ZNF511: variants seen among roughly 807,000 people sequenced by gnomAD.
The protein encoded by ZNF511 is zinc finger protein 511.
Under a neutral mutation model 24.8 loss-of-function variants are expected in ZNF511, and 26 were observed. The ratio of observed to expected loss-of-function variants is 1.05; its 90% CI spans 0.77 to 1.46. The LOEUF is 1.46. Ranked by LOEUF, ZNF511 falls within the 40% of genes most tolerant of loss-of-function variation. The pLI, the probability that ZNF511 is intolerant of heterozygous loss-of-function variation, is 0.00. For missense variants in ZNF511, 358 were observed against 345.0 expected, an observed-to-expected ratio of 1.04 and a Z score of -0.30; for synonymous variants, 144 against 139.6, an observed-to-expected ratio of 1.03 and a Z score of -0.22.
rs775173794 is a variant in ZNF511, at chr10:133,310,260, C to T, written c.526C>T (p.Arg176Trp). 5.6e-6 allele frequency: 9 copies of T among 1,613,860 alleles called. No homozygotes were observed. Among genetic ancestry groups the T allele is most frequent in the African/African-American group, 2.7e-5 (2 of 74,928 alleles). ...GATGCACCTGTACCCCGCGGACTTCCGGTTTGATAAGCCAAAGAAAAGCAG... is the reference window on the plus strand; with the variant it reads ...GATGCACCTGTACCCCGCGGACTTCTGGTTTGATAAGCCAAAGAAAAGCAG... ...VRMHLYPADF[R>W]FDKPKKSRSP... The change falls in exon 4 of 6, where the codon CGG (arginine) becomes TGG (tryptophan). Residue 176 changes from arginine (R) to tryptophan (W), a missense_variant. Transcript: ENST00000361518.
At chr10:133,310,554 C>A (rs1022586821) in intron 4 of ZNF511, 1 of 490,254 alleles carries the variant, frequency 2.0e-6, no homozygotes, top group East Asian at 3.9e-5. Flanking sequence ...AATGAGCGGG[C>A]GCAGCGCCTC....
At chr10:133,311,609 A>G (rs1476199373) in intron 4 of ZNF511, 107 bp from the exon 5 acceptor site, 5 of 957,060 alleles carry the variant, frequency 5.2e-6, no homozygotes, top group Non-Finnish European at 6.3e-6. Flanking sequence ...GTAAGAAAAT[A>G]TGCTACTTAC....
At chr10:133,310,136 G>C in intron 3 of ZNF511, 28 bp from the exon 4 acceptor site, 1 of 1,613,274 alleles carries the variant, frequency 6.2e-7, no homozygotes, top group Non-Finnish European at 8.5e-7. Flanking sequence ...CCAGGGGTCA[G>C]AGGGAGGTGA....
Position 133,310,154 on chromosome 10 carries a change from T to C in ZNF511, c.430-10T>C. 1 of 1,613,674 alleles carries C rather than the reference T, an allele frequency of 6.2e-7. No individual in the cohort carries two copies. Among genetic ancestry groups the C allele is most frequent in the South Asian group, 1.1e-5 (1 of 91,070 alleles). ...GGGGTCAGAGGGAGGTGACACGGTCTCCATTTCAGTATCAGTGCTTGGTAG... is the reference window on the plus strand; with the variant it reads ...GGGGTCAGAGGGAGGTGACACGGTCCCCATTTCAGTATCAGTGCTTGGTAG... On this transcript the variant is annotated splice_polypyrimidine_tract_variant and intron_variant, in intron 3 of 5. Coordinates refer to ENST00000361518, the MANE Select transcript of ZNF511 (RefSeq NM_145806.4).
chr10:133,310,102 C>T (rs563464160), intron 3 of ZNF511, 62 bp from the exon 4 acceptor site: 74 of 1,611,676 alleles, frequency 4.6e-5, no homozygotes, highest in Admixed American at 1.7e-4. Flanking sequence ...AGCTCTGCTA[C>T]GGGGGCATGG....
At chr10:133,310,690 C>T in intron 4 of ZNF511, 1 of 243,210 alleles carries the variant, frequency 4.1e-6, no homozygotes, top group South Asian at 5.2e-5. Flanking sequence ...ACACATCATG[C>T]AGCCCTGGCT....
rs868230716 is a variant in ZNF511 at position 133,312,926 on chromosome 10, C to T, written c.*60C>T. On this transcript the variant is annotated 3_prime_UTR_variant, in exon 6 of 6. Transcript: ENST00000361518. ...TGCTGGGCGTGGCATCCGCCTTGGG[C>T]CTTTCTCCGACCTTCTGGTGTGGCC... 7.4e-6 allele frequency: 12 copies of T among 1,611,280 alleles called. No homozygotes were observed. The highest frequency in any genetic ancestry group is 7.6e-6 in the Non-Finnish European group (9 of 1,179,004).
rs748727738 is a variant in ZNF511 at position 133,311,923 on chromosome 10, T to C, written c.680+82T>C. 5.6e-6 allele frequency: 9 copies of C among 1,613,154 alleles called. No homozygotes were observed. The South Asian group carries it at 8.8e-5, about 16-fold the overall frequency. On this transcript the variant is annotated intron_variant, in intron 5 of 5. Transcript: ENST00000361518. ...TTCTGGGCTGCACCTGGGCCGCAGC[T>C]CTTCTCATACTGAATTCAGAAAGGT...
In ZNF511 at chr10:133,313,093, C is replaced by A; in HGVS notation, c.*227C>A. The A allele has an allele frequency of 9.0e-7, 1 of 1,115,744 alleles. No individual in the cohort carries two copies. Among genetic ancestry groups the A allele is most frequent in the Non-Finnish European group, 1.2e-6 (1 of 824,078 alleles). 69.1% of individuals were successfully genotyped at this position (1,115,744 alleles called of 1,614,324 possible). A position where few individuals can be genotyped will look rare whatever the true frequency, so the allele number is the denominator to read the frequency against. On this transcript the variant is annotated 3_prime_UTR_variant, in exon 6 of 6. Transcript: ENST00000361518. ...CTATTGGGAAGGAGATGTGGACGGC[C>A]TGTCTCCTCCTGCAGGGCCCACCCT...
chr10:133,312,509 G>A lies in ZNF511; in HGVS notation c.681-279G>A, dbSNP rs1225938937. On this transcript the variant is annotated intron_variant, in intron 5 of 5. Transcript: ENST00000361518. ...GTAGGGGTTTTCATGGAATGGACAT[G>A]GGGTAGCAGGAAGTCTCAGCCCCAG... 6 of 1,329,948 alleles carry A rather than the reference G, an allele frequency of 4.5e-6. No individual in the cohort carries two copies. In the East Asian group the frequency reaches 1.9e-4, roughly 41 times the overall value. 82.4% of individuals were successfully genotyped at this position (1,329,948 alleles called of 1,614,324 possible).
chr10:133,310,084 C>G (rs988949021), intron 3 of ZNF511, 80 bp from the exon 4 acceptor site: 7 of 1,610,546 alleles, frequency 4.3e-6, no homozygotes, highest in Non-Finnish European at 5.1e-6. Context: ...CACCTTTCCG[C>G]CCTTGGCAGC....
chr10:133,312,909 G>A lies in ZNF511; in HGVS notation c.*43G>A, dbSNP rs372074838. On this transcript the variant is annotated 3_prime_UTR_variant, in exon 6 of 6. Transcript: ENST00000361518. Reference sequence around the variant, plus strand: ...TGGGGGGCAGTCACCACTGCTGGGCGTGGCATCCGCCTTGGGCCTTTCTCC... The same window carrying A: ...TGGGGGGCAGTCACCACTGCTGGGCATGGCATCCGCCTTGGGCCTTTCTCC... The A allele has an allele frequency of 2.2e-5, 35 of 1,612,412 alleles. No homozygotes were observed. The highest frequency in any genetic ancestry group is 4.0e-5 in the African/African-American group (3 of 74,888).
At chr10:133,311,899 T>C in intron 5 of ZNF511, 58 bp downstream of exon 5, 2 of 1,613,188 alleles carry the variant, frequency 1.2e-6, no homozygotes, top group Non-Finnish European at 1.7e-6. Flanking sequence ...TGCTGAGGAT[T>C]CTGGGCTGCA....
In ZNF511 at chr10:133,309,380, T is replaced by C. The variant is rs754840384; in HGVS notation, c.154-10T>C. On this transcript the variant is annotated splice_polypyrimidine_tract_variant and intron_variant, in intron 1 of 5. Coordinates refer to ENST00000361518, the MANE Select transcript of ZNF511 (RefSeq NM_145806.4). ...CACCTGGCCCCGCCCACGGCGCACT[T>C]TTCCTGCAGGATGGGGACGTGCAGC... 21 of 1,610,214 alleles carry C rather than the reference T, an allele frequency of 1.3e-5. No individual in the cohort carries two copies. Among genetic ancestry groups the C allele is most frequent in the Non-Finnish European group, 1.8e-5 (21 of 1,179,062 alleles).
At chr10:133,311,471 A>C in intron 4 of ZNF511, 1 of 449,718 alleles carries the variant, frequency 2.2e-6, no homozygotes, top group Non-Finnish European at 3.9e-6. Flanking sequence ...ATTTTCAAAA[A>C]AAAGTATGAT....
At chr10:133,312,650 A>G (rs1410351211) in intron 5 of ZNF511, 138 bp from the exon 6 acceptor site, 2 of 1,537,696 alleles carry the variant, frequency 1.3e-6, no homozygotes, top group East Asian at 4.6e-5. Flanking sequence ...GAGCTGCCCC[A>G]GGGCCCAGGA....
Position 133,309,456 on chromosome 10 carries a change from A to G in ZNF511, c.220A>G (p.Lys74Glu), listed in dbSNP as rs773558513. 2.5e-6 allele frequency: 4 copies of G among 1,612,082 alleles called. No homozygotes were observed. The highest frequency in any genetic ancestry group is 3.4e-6 in the Non-Finnish European group (4 of 1,179,574). Reference sequence around the variant, plus strand: ...CATGCAGGTGGCCGACGTGCCTGAGAAGCCCAGGTAAGCGAATGGGCAGTG... The same window carrying G: ...CATGCAGGTGGCCGACGTGCCTGAGGAGCCCAGGTAAGCGAATGGGCAGTG... ...VIMQVADVPE[K>E]PRVPAFACQV... is the part of the protein sequence containing the mutation. Residue 74 changes from lysine (K) to glutamate (E), a missense_variant, in exon 2 of 6, where the codon AAG becomes GAG. By Grantham distance (56) the Lys-to-Glu change is moderately conservative. Transcript: ENST00000361518.
chr10:133,313,007 A>C lies in ZNF511; in HGVS notation c.*141A>C. 2 of 1,496,914 alleles carry C rather than the reference A, an allele frequency of 1.3e-6. No individual in the cohort carries two copies. The highest frequency in any genetic ancestry group is 1.8e-6 in the Non-Finnish European group (2 of 1,128,124). 92.7% of individuals were successfully genotyped at this position (1,496,914 alleles called of 1,614,324 possible). The stretch of plus-strand genomic sequence containing the variant: ...CCATCCTTGTTCCTCAGCAAATGGC[A>C]TTAGCAGCTGTCATCAGAAGCTGTG... On this transcript the variant is annotated 3_prime_UTR_variant, in exon 6 of 6. Transcript: ENST00000361518.
At chr10:133,311,631 GTTTC>G in intron 4 of ZNF511, 81 bp from the exon 5 acceptor site, 1 of 1,202,554 alleles carries the variant, frequency 8.3e-7, no homozygotes, top group Non-Finnish European at 1.2e-6. Flanking sequence ...GGGAAATCCA[GTTTC>G]TTTCTTGCAT....
Sources: gnomAD v4.1 joint callset for allele counts on GRCh38, gnomAD v4.1.1 for gene constraint, MANE v1.5 for transcripts, NCBI Gene and HGNC (gene_info 2026-07-23, HGNC 2026-07-21) for gene names.